TBC1D22A: variants seen among roughly 807,000 people sequenced by gnomAD.
The protein encoded by TBC1D22A is TBC1 domain family member 22A.
Under a neutral mutation model 60.2 loss-of-function variants are expected in TBC1D22A, and 38 were observed. The ratio of observed to expected loss-of-function variants is 0.63; its 90% CI spans 0.49 to 0.83. TBC1D22A has a LOEUF of 0.83. Ranked by LOEUF, TBC1D22A falls within the 40% of genes least tolerant of loss-of-function variation. The pLI, the probability that TBC1D22A is intolerant of heterozygous loss-of-function variation, is 0.00. For synonymous variants in TBC1D22A, 302 were observed against 281.7 expected (o/e 1.07, Z -0.72); for missense variants, 628 against 701.0 (o/e 0.90, Z 1.18).
chr22:46,923,156 AAT>A (rs769440287), intron 8 of TBC1D22A, among the ~76,000 whole-genome samples: 9 of 152,236 alleles, frequency 5.9e-5, no homozygotes, highest in Non-Finnish European at 1.3e-4. Flanking sequence ...GATACTGGTA[AAT>A]ATAGATAAGT....
chr22:47,136,051 G>T (rs1197489718), intron 12 of TBC1D22A, among the ~76,000 whole-genome samples: 1 of 152,218 alleles, frequency 6.6e-6, no homozygotes, highest in Non-Finnish European at 1.5e-5. Flanking sequence ...AGTGGAAAAG[G>T]AAAGGAATGA....
At chr22:46,813,259 A>G (rs189565228) in intron 4 of TBC1D22A, among the ~76,000 whole-genome samples, 4 of 152,322 alleles carry the variant, frequency 2.6e-5, no homozygotes, top group Admixed American at 2.0e-4. Context: ...AAACTTTTCT[A>G]GGCTTGGGGC....
intron 11 of TBC1D22A, among the ~76,000 whole-genome samples, chr22:47,057,485 T>G (rs1337819917): frequency 6.6e-6 from 1 of 152,190 alleles, no homozygotes; most frequent in African/African-American, 2.4e-5. Context: ...CTAAGCCAAG[T>G]GGAAATGTGT....
chr22:46,845,676 G>T (rs938164491), intron 4 of TBC1D22A, among the ~76,000 whole-genome samples: 5 of 152,154 alleles, frequency 3.3e-5, no homozygotes, highest in Non-Finnish European at 5.9e-5. Context: ...TTCATGTAGC[G>T]ATTTACAGTA....
At chr22:47,033,764 G>A (rs1414986684) in intron 10 of TBC1D22A, among the ~76,000 whole-genome samples, 1 of 152,192 alleles carries the variant, frequency 6.6e-6, no homozygotes, top group Non-Finnish European at 1.5e-5. Context: ...CCCGGGGCGC[G>A]GGGAAGCCTG....
intron 11 of TBC1D22A, among the ~76,000 whole-genome samples, chr22:47,074,297 C>T (rs1043609300): frequency 1.6e-4 from 25 of 152,354 alleles, no homozygotes; most frequent in African/African-American, 5.5e-4. Flanking sequence ...AGATCGCCCA[C>T]ATTGGCCTCT....
intron 4 of TBC1D22A, among the ~76,000 whole-genome samples, chr22:46,838,082 A>G (rs1192280655): frequency 6.6e-6 from 1 of 152,178 alleles, no homozygotes; most frequent in Non-Finnish European, 1.5e-5. Flanking sequence ...TTGCAAATAA[A>G]CAGCCCAACT....
At chr22:46,780,002 AC>A in intron 1 of TBC1D22A, among the ~76,000 whole-genome samples, 1 of 152,332 alleles carries the variant, frequency 6.6e-6, no homozygotes, top group Non-Finnish European at 1.5e-5. Context: ...GGAATTGTTC[AC>A]TGTTGCCATG....
intron 4 of TBC1D22A, among the ~76,000 whole-genome samples, chr22:46,819,873 T>C (rs1479000198): frequency 1.3e-5 from 2 of 152,206 alleles, no homozygotes; most frequent in Non-Finnish European, 2.9e-5. Flanking sequence ...GTCCTGGACT[T>C]TTTTTGGTTG....
chr22:47,140,844 A>C (rs550585209), intron 12 of TBC1D22A, among the ~76,000 whole-genome samples: 1 of 152,202 alleles, frequency 6.6e-6, no homozygotes. Flanking sequence ...CCCTACCCCA[A>C]AAAAACCTGC....
chr22:47,160,863 C>G (rs754892), intron 12 of TBC1D22A, among the ~76,000 whole-genome samples: 2 of 150,358 alleles, frequency 1.3e-5, no homozygotes, highest in Non-Finnish European at 2.9e-5. Context: ...CTACCCTCCT[C>G]TTCAGGACCC....
chr22:46,848,126 G>A (rs2087104714), intron 4 of TBC1D22A, among the ~76,000 whole-genome samples: 1 of 152,254 alleles, frequency 6.6e-6, no homozygotes, highest in African/African-American at 2.4e-5. Context: ...TTTGTGATAG[G>A]AAGTTTTTGC....
At chr22:46,993,321 C>A (rs993948209) in intron 9 of TBC1D22A, among the ~76,000 whole-genome samples, 3 of 152,224 alleles carry the variant, frequency 2.0e-5, no homozygotes, top group Non-Finnish European at 4.4e-5. Flanking sequence ...ACTTCACCTT[C>A]TGTGAAACAT....
chr22:47,083,010 A>G (rs1035912201), intron 11 of TBC1D22A, among the ~76,000 whole-genome samples: 4 of 152,274 alleles, frequency 2.6e-5, no homozygotes, highest in African/African-American at 7.2e-5. Context: ...GTGCTCTTCA[A>G]TGACAACGTG....
At chr22:47,132,045 G>A (rs977712335) in intron 12 of TBC1D22A, among the ~76,000 whole-genome samples, 1 of 152,144 alleles carries the variant, frequency 6.6e-6, no homozygotes, top group African/African-American at 2.4e-5. Flanking sequence ...TGCAGTGTGC[G>A]GCCAGTTTCT....
intron 8 of TBC1D22A, among the ~76,000 whole-genome samples, chr22:46,973,169 G>A (rs73186539): frequency 0.034 from 5,122 of 152,330 alleles, 114 homozygotes; most frequent in South Asian, 0.057. Flanking sequence ...GACTGTACAC[G>A]ACACGAATGT....
rs142381166 is a variant in TBC1D22A at position 46,795,751 on chromosome 22, G to A, written c.461-1693G>A. ...AGCTTTGCAGCAGCACTAGGACATG[G>A]ACTTATGGGCTCTGCTCAGGAGTGA... is the stretch of plus-strand genomic sequence containing the variant. On this transcript the variant is annotated intron_variant, in intron 3 of 12. Transcript: ENST00000337137. Among the ~76,000 whole-genome samples the A allele has an allele frequency of 2.2e-3, 334 of 152,330 alleles. 1 individual carries two copies. The highest frequency in any genetic ancestry group is 3.9e-3 in the South Asian group (19 of 4,828).
At chr22:46,823,065 A>G (rs961787763) in intron 4 of TBC1D22A, among the ~76,000 whole-genome samples, 1 of 152,202 alleles carries the variant, frequency 6.6e-6, no homozygotes, top group Non-Finnish European at 1.5e-5. Flanking sequence ...AACCACAAGT[A>G]TCCGGCTGCA....
intron 11 of TBC1D22A, among the ~76,000 whole-genome samples, chr22:47,076,361 G>GTGTATATATATATATATATATGTGTGTA (rs1392245000): frequency 4.0e-4 from 41 of 101,886 alleles, no homozygotes; most frequent in African/African-American, 1.3e-3. Flanking sequence ...ATATGTGTGT[G>GTGTATATATATATATATATATGTGTGTA]TATATATATA....
Sources: allele counts gnomAD v4.1 joint callset (sites outside exome capture counted in the v4.1 genomes callset), GRCh38; gene constraint gnomAD v4.1.1; transcripts MANE v1.5; gene names NCBI Gene and HGNC (gene_info 2026-07-23, HGNC 2026-07-21).